TMEM114: variants seen among roughly 807,000 people sequenced by gnomAD.
TMEM114 encodes the protein claudin-26.
A neutral mutation model predicts 6.2 loss-of-function variants in TMEM114; 6 were observed. That is an observed-to-expected ratio of 0.97 (90% CI 0.53 to 1.91). The LOEUF is 1.91. TMEM114 is among the 40% of genes most tolerant of loss of function. The probability of loss-of-function intolerance (pLI) is 0.01; values close to 1 mark genes in which losing one functional copy is unlikely to be tolerated. For synonymous variants in TMEM114, 104 were observed against 73.0 expected (o/e 1.42, Z -2.16); for missense variants, 218 against 158.3 (o/e 1.38, Z -2.02).
intron 2 of TMEM114, among the ~76,000 whole-genome samples, chr16:8,577,254 GC>G (rs1367582293): frequency 6.6e-6 from 1 of 152,192 alleles, no homozygotes; most frequent in African/African-American, 2.4e-5. Context: ...TTCTCCCACA[GC>G]CCCTGCAGCT....
chr16:8,543,216 A>G (rs1293595569), intron 2 of TMEM114, among the ~76,000 whole-genome samples: 1 of 152,208 alleles, frequency 6.6e-6, no homozygotes, highest in African/African-American at 2.4e-5. Flanking sequence ...GGGACTAAGG[A>G]GAGACGGCAT....
At chr16:8,583,737 G>C (rs912476321) in intron 2 of TMEM114, among the ~76,000 whole-genome samples, 1 of 151,400 alleles carries the variant, frequency 6.6e-6, no homozygotes, top group African/African-American at 2.4e-5. Flanking sequence ...AACAGAGCAA[G>C]ACCATGTCTC....
At chr16:8,575,374 C>A (rs780580589) in intron 2 of TMEM114, among the ~76,000 whole-genome samples, 1 of 152,240 alleles carries the variant, frequency 6.6e-6, no homozygotes, top group Non-Finnish European at 1.5e-5. Context: ...CAGTTCCTCT[C>A]TTGCACGCAT....
intron 2 of TMEM114, among the ~76,000 whole-genome samples, chr16:8,563,280 AG>A (rs1901350031): frequency 6.6e-6 from 1 of 151,868 alleles, no homozygotes; most frequent in Admixed American, 6.6e-5. Context: ...TGAATGAGTG[AG>A]GGAATGAGTG....
intron 2 of TMEM114, among the ~76,000 whole-genome samples, chr16:8,538,234 A>G (rs1402532238): frequency 6.6e-6 from 1 of 151,892 alleles, no homozygotes; most frequent in Non-Finnish European, 1.5e-5. Context: ...GAGCCTAGAA[A>G]ACCATGATCC....
chr16:8,580,949 C>G (rs1902127765), intron 2 of TMEM114, among the ~76,000 whole-genome samples: 1 of 152,222 alleles, frequency 6.6e-6, no homozygotes, highest in Non-Finnish European at 1.5e-5. Flanking sequence ...GCCTCGGCCT[C>G]CCAAAGTGCT....
chr16:8,563,648 A>T lies in TMEM114; in HGVS notation n.212+25565T>A, dbSNP rs553313481. ...GAGTGAGTGAATGAGTAAATGAGTG[A>T]GTGAATGAGTGAGCGAATAAGTAAG... On this transcript the variant is annotated intron_variant and non_coding_transcript_variant, in intron 2 of 2. Transcript: ENST00000623677. Among the ~76,000 whole-genome samples the T allele has an allele frequency of 1.6e-3, 235 of 151,560 alleles. 9 individuals are homozygous for T. Among genetic ancestry groups the T allele is most frequent in the African/African-American group, 5.6e-3 (227 of 40,802 alleles).
At chr16:8,554,357 A>C (rs1900940779) in intron 2 of TMEM114, among the ~76,000 whole-genome samples, 2 of 152,018 alleles carry the variant, frequency 1.3e-5, no homozygotes, top group South Asian at 4.2e-4. Context: ...GGAGTTCAAG[A>C]CTGCAGTGAT....
chr16:8,531,805 T>C, the TMEM114 span: 1 of 152,182 alleles, frequency 6.6e-6, no homozygotes, highest in Admixed American at 6.5e-5. Context: ...AACTGAATAG[T>C]CTGTGAAGCA....
the TMEM114 span, among the ~76,000 whole-genome samples, chr16:8,528,875 G>T: frequency 1.3e-5 from 2 of 152,164 alleles, no homozygotes; most frequent in African/African-American, 2.4e-5. Context: ...AGGCATTCTT[G>T]GTAGGGGGGA....
intron 2 of TMEM114, among the ~76,000 whole-genome samples, chr16:8,581,271 C>G (rs1425379744): frequency 6.6e-6 from 1 of 152,180 alleles, no homozygotes; most frequent in Non-Finnish European, 1.5e-5. Context: ...AATATTAACA[C>G]TAATATGCAT....
At chr16:8,575,694 C>G (rs1901898059) in intron 2 of TMEM114, among the ~76,000 whole-genome samples, 1 of 152,154 alleles carries the variant, frequency 6.6e-6, no homozygotes, top group African/African-American at 2.4e-5. Flanking sequence ...TAAGAGTATG[C>G]ACTTTACAGG....
downstream of TMEM114, among the ~76,000 whole-genome samples, chr16:8,536,108 C>A (rs552431339): frequency 1.3e-5 from 2 of 151,990 alleles, no homozygotes; most frequent in Non-Finnish European, 2.9e-5. Flanking sequence ...ACCTGTAATC[C>A]CAGCTACTCG....
chr16:8,564,212 AGTGAGT>A (rs1901424711), intron 2 of TMEM114, among the ~76,000 whole-genome samples: 1 of 135,424 alleles, frequency 7.4e-6, no homozygotes, highest in Admixed American at 7.4e-5. Context: ...TGGGTGAATG[AGTGAGT>A]TAGTGAATGA....
At chr16:8,576,533 G>A (rs539582909) in intron 2 of TMEM114, among the ~76,000 whole-genome samples, 1 of 152,338 alleles carries the variant, frequency 6.6e-6, no homozygotes, top group South Asian at 2.1e-4. Flanking sequence ...GAAAGGATAT[G>A]ATGGAGCAGG....
chr16:8,571,599 C>G (rs920361615), intron 3 of TMEM114, among the ~76,000 whole-genome samples: 2 of 151,470 alleles, frequency 1.3e-5, no homozygotes, highest in African/African-American at 4.9e-5. Context: ...CTGCCCCCAC[C>G]CCCAGCCTGT....
At position 8,569,530 on chromosome 16, in the gene TMEM114, G is replaced by T. The variant is rs1358372331; in HGVS notation, c.*243C>A. The T allele has an allele frequency of 7.2e-7, 1 of 1,390,212 alleles. No homozygotes were observed. Among genetic ancestry groups the T allele is most frequent in the African/African-American group, 1.4e-5 (1 of 69,028 alleles). The allele number at this position is 1,390,212 out of a possible 1,614,324, so 86.1% of individuals were successfully genotyped here. A position where few individuals can be genotyped will look rare whatever the true frequency, so the allele number is the denominator to read the frequency against. On this transcript the variant is annotated 3_prime_UTR_variant, in exon 4 of 4. Transcript: ENST00000620492. ...TTAAAGGATCGTTTTTATTTCTCGC[G>T]AAGCGGTTTGGCACTCCCTCGGGCT...
At chr16:8,587,867 A>G (rs1243695637) in intron 2 of TMEM114, among the ~76,000 whole-genome samples, 6 of 151,726 alleles carry the variant, frequency 4.0e-5, no homozygotes, top group Non-Finnish European at 7.4e-5. Context: ...TGGAGGGAGA[A>G]GGCCAGGCAC....
chr16:8,569,524 T>C lies in TMEM114; in HGVS notation c.*249A>G. On this transcript the variant is annotated 3_prime_UTR_variant, in exon 4 of 4. Transcript: ENST00000620492. ...GTGTGATTAAAGGATCGTTTTTATT[T>C]CTCGCGAAGCGGTTTGGCACTCCCT... 1 of 1,391,220 alleles carries C rather than the reference T, an allele frequency of 7.2e-7. No homozygotes were observed. The highest frequency in any genetic ancestry group is 9.3e-7 in the Non-Finnish European group (1 of 1,074,350). 86.2% of individuals were successfully genotyped at this position (1,391,220 alleles called of 1,614,324 possible).
Sources: gnomAD v4.1 joint callset for allele counts (sites outside exome capture counted in the v4.1 genomes callset) on GRCh38, gnomAD v4.1.1 for gene constraint, MANE v1.5 for transcripts, NCBI Gene and HGNC (gene_info 2026-07-23, HGNC 2026-07-21) for gene names.